Variants in FAM184A observed in about 807,000 individuals in gnomAD.
FAM184A encodes family with sequence similarity 184 member A, also known as protein FAM184A.
Under a neutral mutation model 143.8 loss-of-function variants are expected in FAM184A, and 99 were observed. The observed-to-expected ratio is 0.69, with a 90% CI of 0.58 to 0.81. The LOEUF is 0.81. Among genes scored for constraint, FAM184A ranks in the 40% least tolerant of loss-of-function variants. The pLI is 0.00. For synonymous variants in FAM184A, 427 were observed against 446.4 expected (o/e 0.96, Z 0.55); for missense variants, 1,217 against 1,310.5 (o/e 0.93, Z 1.10).
intron 1 of FAM184A, among the ~76,000 whole-genome samples, chr6:119,126,003 G>C (rs894713452): frequency 6.6e-6 from 1 of 152,232 alleles, no homozygotes; most frequent in Non-Finnish European, 1.5e-5. Context: ...CAGGTTAGAA[G>C]TCCAGACATG....
chr6:118,974,102 C>A (rs1455293171), intron 14 of FAM184A, among the ~76,000 whole-genome samples: 3 of 152,036 alleles, frequency 2.0e-5, no homozygotes, highest in Non-Finnish European at 2.9e-5. Context: ...CTATTGTTCA[C>A]TATATATTCT....
chr6:119,114,980 G>A (rs1340853539), intron 1 of FAM184A, among the ~76,000 whole-genome samples: 2 of 152,182 alleles, frequency 1.3e-5, no homozygotes, highest in African/African-American at 2.4e-5. Flanking sequence ...GCAGCCTTCC[G>A]AGTAGCTGGG....
intron 14 of FAM184A, among the ~76,000 whole-genome samples, chr6:118,971,640 A>G (rs369824145): frequency 3.3e-5 from 5 of 152,212 alleles, no homozygotes; most frequent in African/African-American, 9.6e-5. Flanking sequence ...TTACTACTAT[A>G]TCACTGAAAA....
chr6:119,002,360 C>G (rs184414866), intron 9 of FAM184A, among the ~76,000 whole-genome samples: 2 of 152,058 alleles, frequency 1.3e-5, no homozygotes, highest in Non-Finnish European at 2.9e-5. Flanking sequence ...ATTACAGTTA[C>G]AAATGTTATG....
At chr6:119,126,504 G>C (rs577973637) in intron 1 of FAM184A, among the ~76,000 whole-genome samples, 1 of 152,348 alleles carries the variant, frequency 6.6e-6, no homozygotes, top group East Asian at 1.9e-4. Flanking sequence ...GGGGAGTGTA[G>C]CTGAGTGGGT....
intron 1 of FAM184A, among the ~76,000 whole-genome samples, chr6:119,143,239 G>T (rs1161179411): frequency 6.6e-6 from 1 of 152,190 alleles, no homozygotes; most frequent in African/African-American, 2.4e-5. Context: ...AGATGTTAAA[G>T]AAATTGCCTA....
intron 1 of FAM184A, among the ~76,000 whole-genome samples, chr6:119,039,037 G>A (rs565111309): frequency 1.3e-5 from 2 of 152,228 alleles, no homozygotes; most frequent in South Asian, 4.1e-4. Context: ...ATACATACAT[G>A]GCAAATAAGT....
intron 1 of FAM184A, among the ~76,000 whole-genome samples, chr6:119,095,484 C>G (rs1788480995): frequency 6.6e-6 from 1 of 152,148 alleles, no homozygotes. Context: ...CTCTACCTTT[C>G]ATGGCACTCT....
chr6:119,031,813 C>G (rs1252857465), intron 1 of FAM184A, among the ~76,000 whole-genome samples: 1 of 152,122 alleles, frequency 6.6e-6, no homozygotes, highest in Non-Finnish European at 1.5e-5. Context: ...ATGGTATATT[C>G]ATACAGTGTA....
chr6:119,134,343 A>C (rs1789607091), intron 1 of FAM184A, among the ~76,000 whole-genome samples: 1 of 152,202 alleles, frequency 6.6e-6, no homozygotes. Context: ...GTTTTCAGTT[A>C]TCTTTTTCTC....
chr6:118,969,762 A>G (rs1783616820), intron 14 of FAM184A, among the ~76,000 whole-genome samples: 1 of 150,260 alleles, frequency 6.7e-6, no homozygotes, highest in Admixed American at 6.7e-5. Context: ...CCCATCATCT[A>G]CATTAGGTAT....
Position 119,093,786 on chromosome 6 carries a change from C to T in FAM184A, c.-202+55292G>A, listed in dbSNP as rs545807940. 2.3e-4 allele frequency among the ~76,000 whole-genome samples: 35 copies of T among 152,170 alleles called. 1 individual carries two copies. Among genetic ancestry groups the T allele is most frequent in the Non-Finnish European group, 8.8e-5 (6 of 68,028 alleles). On this transcript the variant is annotated intron_variant, in intron 1 of 16. Transcript: ENST00000352896. Reference sequence around the variant, plus strand: ...AAGAGCACCCAGGATTTAAGGTCCTCATCCATATCCTCACAGAGGCCTTCA... The same window carrying T: ...AAGAGCACCCAGGATTTAAGGTCCTTATCCATATCCTCACAGAGGCCTTCA...
chr6:119,107,792 A>AAGAAAGAAAG (rs10656132), intron 1 of FAM184A, among the ~76,000 whole-genome samples: 1 of 136,456 alleles, frequency 7.3e-6, no homozygotes, highest in African/African-American at 2.7e-5. Context: ...AAAAAAAAAA[A>AAGAAAGAAAG]AAAGAAAGAA....
Position 119,020,131 on chromosome 6 carries a change from T to G in FAM184A, c.1179A>C (p.Gln393His). ...ASHIGMLQAT[Q>H]MTQEVTIKDL... ...CTTTAATTGTAACTTCCTGGGTCAT[T>G]TGAGTTGCTTGAAGCATTCCAATAT... Residue 393 changes from glutamine to histidine, a missense_variant, in exon 4 of 18, where the codon CAA (glutamine) becomes CAC (histidine). Physicochemically the swap from Gln to His is conservative, Grantham distance 24. Transcript: ENST00000338891. 6.3e-7 allele frequency: 1 copy of G among 1,598,152 alleles called. No homozygotes were observed. The highest frequency in any genetic ancestry group is 2.3e-5 in the East Asian group (1 of 44,368).
chr6:119,118,672 T>C (rs1789124964), intron 1 of FAM184A, among the ~76,000 whole-genome samples: 1 of 152,226 alleles, frequency 6.6e-6, no homozygotes, highest in South Asian at 2.1e-4. Flanking sequence ...TATGCCTATC[T>C]TTACTTTAAT....
rs977029986 is a variant in FAM184A at position 119,061,531 on chromosome 6, C to CTTTTTTTTTTT, written c.159+16599_159+16609dup. On this transcript the variant is annotated intron_variant, in intron 1 of 17. Coordinates refer to ENST00000338891, the MANE Select transcript of FAM184A (RefSeq NM_024581.6). ...CTACCATGCCTGGCTAATTATTTTT[C>CTTTTTTTTTTT]TTTTTTTTTTTTTTTTTTTTTTTTT... Among the ~76,000 whole-genome samples the CTTTTTTTTTTT allele has an allele frequency of 8.0e-4, 47 of 58,568 alleles. 1 individual carries two copies. Among genetic ancestry groups the CTTTTTTTTTTT allele is most frequent in the African/African-American group, 1.6e-3 (22 of 13,612 alleles). 38.4% of individuals were successfully genotyped at this position (58,568 alleles called of 152,430 possible).
At chr6:119,098,876 G>T (rs566796618) in intron 1 of FAM184A, among the ~76,000 whole-genome samples, 2 of 152,202 alleles carry the variant, frequency 1.3e-5, no homozygotes, top group Non-Finnish European at 2.9e-5. Flanking sequence ...TTGGGAGGCC[G>T]ATGCGGGTGG....
intron 1 of FAM184A, among the ~76,000 whole-genome samples, chr6:119,145,714 A>G (rs1360485236): frequency 6.6e-6 from 1 of 152,228 alleles, no homozygotes; most frequent in Non-Finnish European, 1.5e-5. Context: ...ACTATTAGGA[A>G]GAGTTATGCA....
intron 5 of FAM184A, among the ~76,000 whole-genome samples, chr6:119,013,704 G>A (rs374430607): frequency 6.6e-6 from 1 of 152,158 alleles, no homozygotes; most frequent in Non-Finnish European, 1.5e-5. Flanking sequence ...AGTTTAGTAA[G>A]AAATAACATT....
Sources: allele counts gnomAD v4.1 joint callset (sites outside exome capture counted in the v4.1 genomes callset), GRCh38; gene constraint gnomAD v4.1.1; transcripts MANE v1.5; gene names NCBI Gene and HGNC (gene_info 2026-07-23, HGNC 2026-07-21).